USH2A: variants seen among roughly 807,000 people sequenced by gnomAD.
The protein encoded by USH2A is usherin.
In USH2A, 443 loss-of-function variants were observed where a neutral mutation model predicts 538.9. That is an observed-to-expected ratio of 0.82 (90% CI 0.76 to 0.89). USH2A has a LOEUF of 0.89. Among genes scored for constraint, USH2A ranks in the 40% least tolerant of loss-of-function variants. The pLI is 0.00. For missense variants in USH2A, 6,633 were observed against 6,324.8 expected (o/e 1.05, Z -1.65); for synonymous variants, 2,413 against 2,273.5 (o/e 1.06, Z -1.75).
intron 40 of USH2A, among the ~76,000 whole-genome samples, chr1:215,893,384 T>C (rs1665253181): frequency 6.6e-6 from 1 of 152,170 alleles, no homozygotes; most frequent in South Asian, 2.1e-4. Flanking sequence ...CCATTAAATA[T>C]CAACCTGTGG....
intron 62 of USH2A, 78 bp from the exon 63 acceptor site, chr1:215,675,694 T>C: frequency 6.2e-7 from 1 of 1,608,476 alleles, no homozygotes; most frequent in Non-Finnish European, 8.5e-7. Flanking sequence ...CTTTTTAACC[T>C]TCACCCCCTT....
intron 19 of USH2A, among the ~76,000 whole-genome samples, chr1:216,192,012 T>A (rs2034725946): frequency 6.6e-6 from 1 of 152,096 alleles, no homozygotes; most frequent in South Asian, 2.1e-4. Flanking sequence ...ATCACTTGGA[T>A]AGACTTTGTC....
rs113307158 is a variant in USH2A at position 216,056,044 on chromosome 1, C to T, written c.6050-7397G>A. ...GTGGTCTAATCCCAGTCTTAGAGGA[C>T]GGTTTAAACAGTGATTTTAATTGAC... On this transcript the variant is annotated intron_variant, in intron 30 of 71. Coordinates refer to ENST00000307340, the MANE Select transcript of USH2A (RefSeq NM_206933.4). Among the ~76,000 whole-genome samples the T allele has an allele frequency of 2.5e-3, 384 of 152,226 alleles. 2 individuals carry two copies. The highest frequency in any genetic ancestry group is 8.7e-3 in the African/African-American group (360 of 41,544).
chr1:216,246,498 G>T, intron 13 of USH2A, 87 bp downstream of exon 13: 1 of 1,572,286 alleles, frequency 6.4e-7, no homozygotes, highest in Non-Finnish European at 8.7e-7. Context: ...ATTTGTAGAA[G>T]CCACAAACCA....
chr1:216,413,633 T>C (rs1220261520), intron 3 of USH2A, among the ~76,000 whole-genome samples: 1 of 152,050 alleles, frequency 6.6e-6, no homozygotes, highest in Admixed American at 6.6e-5. Context: ...TACCCATGCA[T>C]TTTTTTCTTC....
At chr1:216,400,332 AG>A (rs1376236357) in intron 3 of USH2A, among the ~76,000 whole-genome samples, 1 of 151,770 alleles carries the variant, frequency 6.6e-6, no homozygotes, top group Non-Finnish European at 1.5e-5. Flanking sequence ...GGAAGATGAC[AG>A]GATTCCTGAA....
intron 21 of USH2A, among the ~76,000 whole-genome samples, chr1:216,146,104 T>C (rs1169471442): frequency 5.3e-5 from 8 of 152,202 alleles, no homozygotes; most frequent in Non-Finnish European, 7.3e-5. Flanking sequence ...ATCAATCCCC[T>C]GTCCTCCTGC....
chr1:216,300,752 T>TC (rs1237100251), intron 9 of USH2A, among the ~76,000 whole-genome samples: 8 of 151,028 alleles, frequency 5.3e-5, no homozygotes, highest in Non-Finnish European at 8.9e-5. Flanking sequence ...TTTTTTTTTT[T>TC]TTTTTTTTGG....
chr1:215,630,525 T>TGA (rs1179138772), intron 70 of USH2A, among the ~76,000 whole-genome samples: 2 of 126,302 alleles, frequency 1.6e-5, no homozygotes, highest in Non-Finnish European at 3.2e-5. Context: ...TATATATATA[T>TGA]ATGAGAGAGA....
rs190703478 is a variant in USH2A at position 216,331,701 on chromosome 1, T to C, written c.785-4047A>G. 2.6e-3 allele frequency among the ~76,000 whole-genome samples: 402 copies of C among 152,282 alleles called. 3 individuals are homozygous for C. The highest frequency in any genetic ancestry group is 9.3e-3 in the African/African-American group (387 of 41,576). On this transcript the variant is annotated intron_variant, in intron 4 of 71. Coordinates refer to ENST00000307340, the MANE Select transcript of USH2A (RefSeq NM_206933.4). ...GAGTAATAATTTAATTTCTATATAC[T>C]AGTGATTAACCAATGGAAATTAAAA...
intron 26 of USH2A, among the ~76,000 whole-genome samples, chr1:216,083,124 A>G (rs1317225325): frequency 2.0e-5 from 3 of 151,990 alleles, no homozygotes; most frequent in Admixed American, 6.6e-5. Context: ...AAAATATATA[A>G]TATATATGCT....
In USH2A at chr1:215,935,663, A is replaced by G. The variant is rs1666473556; in HGVS notation, c.7121-868T>C. On this transcript the variant is annotated intron_variant, in intron 37 of 71. Coordinates refer to ENST00000307340, the MANE Select transcript of USH2A (RefSeq NM_206933.4). Reference sequence around the variant, plus strand: ...GTTAAATTTCAGGTTAAGAGTAAAAAATTAGGGTTAAAATAAGAAAAGGGC... The same window carrying G: ...GTTAAATTTCAGGTTAAGAGTAAAAGATTAGGGTTAAAATAAGAAAAGGGC... 1.3e-5 allele frequency among the ~76,000 whole-genome samples: 2 copies of G among 151,954 alleles called. 1 individual carries two copies. The highest frequency in any genetic ancestry group is 4.1e-4 in the South Asian group (2 of 4,828).
At chr1:216,229,262 C>T (rs1346425857) in intron 14 of USH2A, among the ~76,000 whole-genome samples, 1 of 151,848 alleles carries the variant, frequency 6.6e-6, no homozygotes, top group Non-Finnish European at 1.5e-5. Flanking sequence ...TTTCTAGACT[C>T]CAACCTGCCC....
At position 215,774,907 on chromosome 1, in the gene USH2A, C is replaced by CTTT. The variant is rs201727746; in HGVS notation, c.10939+4933_10939+4935dup. On this transcript the variant is annotated intron_variant, in intron 55 of 71. Transcript: ENST00000307340. ...TGGTTGATGCCACACTTTTTTTTTT[C>CTTT]TTTTTTTTTTTTACTTTTTTGGTCA... Among the ~76,000 whole-genome samples the CTTT allele has an allele frequency of 3.7e-5, 5 of 136,398 alleles. No individual in the cohort carries two copies. In the East Asian group the frequency reaches 8.3e-4, roughly 23 times the overall value. 89.5% of individuals were successfully genotyped at this position (136,398 alleles called of 152,430 possible). A position where few individuals can be genotyped will look rare whatever the true frequency, so the allele number is the denominator to read the frequency against.
chr1:216,243,660 G>A (rs572867734), intron 13 of USH2A, among the ~76,000 whole-genome samples: 2 of 152,290 alleles, frequency 1.3e-5, no homozygotes, highest in African/African-American at 4.8e-5. Flanking sequence ...AAGAAAATAT[G>A]GAAGTTCCCT....
intron 61 of USH2A, among the ~76,000 whole-genome samples, chr1:215,722,708 T>A (rs530647368): frequency 6.6e-6 from 1 of 152,180 alleles, no homozygotes; most frequent in African/African-American, 2.4e-5. Flanking sequence ...CCCATATAAT[T>A]TGCTTATTTC....
rs1667316408 is a variant in USH2A at position 215,965,401 on chromosome 1, G to GT, written c.7035_7036insA (p.His2346ThrfsTer11). The GT allele has an allele frequency of 6.2e-7, 1 of 1,613,848 alleles. No homozygotes were observed. Among genetic ancestry groups the GT allele is most frequent in the East Asian group, 2.2e-5 (1 of 44,886 alleles). On this transcript the variant is annotated frameshift_variant, in exon 37 of 72. Coordinates refer to ENST00000307340, the MANE Select transcript of USH2A (RefSeq NM_206933.4). LOFTEE classifies it high-confidence loss of function. ...CGAAAAGGTGCTTCCCACCTCACGT[G>GT]GGCTTTCCGGGATCCCTGTGTTTTG...
intron 61 of USH2A, among the ~76,000 whole-genome samples, chr1:215,702,860 C>A (rs148921381): frequency 6.6e-6 from 1 of 151,776 alleles, no homozygotes; most frequent in Non-Finnish European, 1.5e-5. Context: ...CCCTTGCTGG[C>A]GAGGAGTTGT....
Position 216,082,897 on chromosome 1 carries a change from G to A in USH2A, c.5298+559C>T, listed in dbSNP as rs577473624. On this transcript the variant is annotated intron_variant, in intron 26 of 71. Coordinates refer to ENST00000307340, the MANE Select transcript of USH2A (RefSeq NM_206933.4). ...CCAATTTTATAAATTTCAAAAGCAA[G>A]AATTTGTAGGCATTCATTAGGTGTT... Among the ~76,000 whole-genome samples, 3 of 152,134 alleles carry A rather than the reference G, an allele frequency of 2.0e-5. No homozygotes were observed. The East Asian group carries it at 5.8e-4, about 29-fold the overall frequency.
Sources: gnomAD v4.1 joint callset for allele counts (sites outside exome capture counted in the v4.1 genomes callset) on GRCh38, gnomAD v4.1.1 for gene constraint, MANE v1.5 for transcripts, NCBI Gene and HGNC (gene_info 2026-07-23, HGNC 2026-07-21) for gene names.